The following MED13L variants were observed in gnomAD, a reference collection of about 807,000 sequenced individuals.
MED13L encodes mediator complex subunit 13L.
In MED13L, 7 loss-of-function variants were observed where a neutral mutation model predicts 220.9. The observed-to-expected ratio is 0.03, with a 90% CI of 0.02 to 0.06. The LOEUF (loss-of-function observed/expected upper bound fraction) is 0.06, where lower values mean the gene tolerates loss of function less well. Ranked by LOEUF, MED13L falls within the 10% of genes least tolerant of loss-of-function variation. The pLI is 1.00. For missense variants in MED13L, 1,965 were observed against 2,760.5 expected (o/e 0.71, Z 6.46); for synonymous variants, 1,011 against 1,015.2 (o/e 1.00, Z 0.08).
At chr12:116,063,186 G>A (rs1869648677) in intron 4 of MED13L, among the ~76,000 whole-genome samples, 1 of 152,116 alleles carries the variant, frequency 6.6e-6, no homozygotes, top group South Asian at 2.1e-4. Flanking sequence ...TAGCCCCTGG[G>A]CAGCCCAGAA....
At chr12:116,148,534 T>C (rs201773642) in intron 2 of MED13L, 18 of 325,562 alleles carry the variant, frequency 5.5e-5, no homozygotes, top group African/African-American at 2.2e-5. Flanking sequence ...AAAAGTGATG[T>C]CAAGTTGACA....
At chr12:115,986,567 T>G in intron 18 of MED13L, 78 bp from the exon 19 acceptor site, 70 of 1,220,708 alleles carry the variant, frequency 5.7e-5, no homozygotes, top group Non-Finnish European at 7.8e-5. Context: ...CCTGGTGCAC[T>G]GGTCTTAATT....
chr12:116,023,623 T>C (rs1880194850), intron 4 of MED13L, among the ~76,000 whole-genome samples: 1 of 152,182 alleles, frequency 6.6e-6, no homozygotes, highest in African/African-American at 2.4e-5. Context: ...TTAAAATGTT[T>C]CTCTATCACA....
intron 2 of MED13L, among the ~76,000 whole-genome samples, chr12:116,199,568 T>G (rs979437005): frequency 8.5e-5 from 13 of 152,236 alleles, no homozygotes; most frequent in Non-Finnish European, 1.6e-4. Context: ...CCTAGGTTTC[T>G]ACTTTCAGTA....
intron 2 of MED13L, among the ~76,000 whole-genome samples, chr12:116,214,018 G>GT (rs1389641937): frequency 3.3e-5 from 5 of 152,148 alleles, no homozygotes; most frequent in African/African-American, 1.2e-4. Flanking sequence ...AAACTGTGAA[G>GT]TATCTTTAAA....
At chr12:116,137,115 C>T (rs1439975246) in intron 2 of MED13L, among the ~76,000 whole-genome samples, 1 of 152,128 alleles carries the variant, frequency 6.6e-6, no homozygotes, top group African/African-American at 2.4e-5. Context: ...CACTGCAGCC[C>T]AAATTTTGAG....
rs1879917399 is a variant in MED13L, at chr12:116,019,356, G to A, written c.877C>T (p.Pro293Ser). 1 of 1,613,874 alleles carries A rather than the reference G, an allele frequency of 6.2e-7. No individual in the cohort carries two copies. The highest frequency in any genetic ancestry group is 8.5e-7 in the Non-Finnish European group (1 of 1,179,966). Reference protein sequence around the residue: ...AFVLISQNDIPVPQSVASAGG... With the variant: ...AFVLISQNDISVPQSVASAGG... The stretch of plus-strand genomic sequence containing the variant: ...GCACTGGCAACACTCTGAGGAACCG[G>A]GATGTCATTCTGAGAGATCAAAACA... Residue 293 changes from proline (P) to serine (S), a missense_variant, in exon 7 of 31, where the codon CCG becomes TCG. Transcript: ENST00000281928.
intron 25 of MED13L, among the ~76,000 whole-genome samples, chr12:115,972,853 T>C (rs1876682726): frequency 6.6e-6 from 1 of 152,200 alleles, no homozygotes; most frequent in South Asian, 2.1e-4. Flanking sequence ...AAAAGCATTA[T>C]ACCTAACTGG....
chr12:116,185,758 G>A (rs1012851004), intron 2 of MED13L, among the ~76,000 whole-genome samples: 3 of 151,436 alleles, frequency 2.0e-5, no homozygotes, highest in African/African-American at 7.3e-5. Flanking sequence ...GTGCAGTGGC[G>A]CAATCTAGGC....
rs1873175799 is a variant in MED13L, at chr12:116,102,703, C to CCTTTTTTTTTT, written c.396-5952_396-5951insAAAAAAAAAAG. 4.7e-5 allele frequency among the ~76,000 whole-genome samples: 3 copies of CCTTTTTTTTTT among 63,204 alleles called. 1 individual carries two copies. Among genetic ancestry groups the CCTTTTTTTTTT allele is most frequent in the African/African-American group, 1.6e-4 (3 of 18,676 alleles). 41.5% of individuals were successfully genotyped at this position (63,204 alleles called of 152,430 possible). ...ATCCCTATATTTTCTTTTTCTTTTTCTTTTTTCTTTTTTTTTTTTTTTTTT... is the reference window on the plus strand; with the variant it reads ...ATCCCTATATTTTCTTTTTCTTTTTCCTTTTTTTTTTTTTTTTCTTTTTTTTTTTTTTTTTT... On this transcript the variant is annotated intron_variant, in intron 3 of 30. Transcript: ENST00000281928.
intron 2 of MED13L, among the ~76,000 whole-genome samples, chr12:116,203,820 C>CA (rs1039226343): frequency 2.0e-5 from 3 of 151,600 alleles, no homozygotes; most frequent in African/African-American, 4.9e-5. Flanking sequence ...GACTCCATCT[C>CA]AAAAAAACAC....
At chr12:116,022,421 G>A (rs1328811417) in intron 5 of MED13L, 35 bp downstream of exon 5, 18 of 1,612,400 alleles carry the variant, frequency 1.1e-5, no homozygotes, top group Middle Eastern at 3.3e-4. Flanking sequence ...ACTCGGTGGC[G>A]GATAGGGGTG....
chr12:116,189,127 CCAAA>C (rs1388941595), intron 2 of MED13L, among the ~76,000 whole-genome samples: 2 of 152,076 alleles, frequency 1.3e-5, no homozygotes, highest in African/African-American at 2.4e-5. Context: ...TTAAGAAACT[CCAAA>C]CAGTTTTTAT....
At chr12:116,229,365 G>A (rs927763641) in intron 2 of MED13L, among the ~76,000 whole-genome samples, 1 of 152,122 alleles carries the variant, frequency 6.6e-6, no homozygotes, top group African/African-American at 2.4e-5. Context: ...CTTTATATAA[G>A]TAGGTGATTT....
At chr12:115,972,294 T>A (rs1040942558) in intron 25 of MED13L, 58 bp from the exon 26 acceptor site, 3 of 1,597,430 alleles carry the variant, frequency 1.9e-6, no homozygotes, top group Non-Finnish European at 1.7e-6. Flanking sequence ...GATGGGAGAT[T>A]TGAGCTTTTT....
intron 2 of MED13L, among the ~76,000 whole-genome samples, chr12:116,139,913 T>C (rs1876907175): frequency 7.0e-6 from 1 of 142,178 alleles, no homozygotes; most frequent in South Asian, 2.2e-4. Flanking sequence ...GAGGTTGCAG[T>C]GAGCTGAGAT....
intron 2 of MED13L, among the ~76,000 whole-genome samples, chr12:116,164,622 T>TCTGG (rs1879118699): frequency 1.3e-5 from 2 of 152,168 alleles, no homozygotes; most frequent in East Asian, 3.9e-4. Context: ...ACACTAGTTT[T>TCTGG]CCACTATAGC....
intron 1 of MED13L, among the ~76,000 whole-genome samples, chr12:116,268,092 T>G (rs993096483): frequency 2.0e-5 from 3 of 152,208 alleles, no homozygotes; most frequent in South Asian, 2.1e-4. Flanking sequence ...TTCCATCACT[T>G]AACAGATAGT....
chr12:116,174,491 T>TG (rs1879905315), intron 2 of MED13L: 1 of 151,760 alleles, frequency 6.6e-6, no homozygotes, highest in African/African-American at 2.4e-5. Context: ...TGTTTTGTTT[T>TG]TTTTTTTTTA....
Sources: allele counts gnomAD v4.1 joint callset (sites outside exome capture counted in the v4.1 genomes callset), GRCh38; gene constraint gnomAD v4.1.1; transcripts MANE v1.5; gene names NCBI Gene and HGNC (gene_info 2026-07-23, HGNC 2026-07-21).